The following SLC28A3 variants were observed in gnomAD, a reference collection of about 807,000 sequenced individuals.
SLC28A3 encodes the protein solute carrier family 28 member 3, also known as concentrative Na(+)-nucleoside cotransporter 3.
A neutral mutation model predicts 84.2 loss-of-function variants in SLC28A3; 68 were observed. That is an observed-to-expected ratio of 0.81 (90% CI 0.66 to 0.99). The LOEUF (loss-of-function observed/expected upper bound fraction) is 0.99. Ranked by LOEUF, SLC28A3 falls within the 50% of genes least tolerant of loss-of-function variation. The pLI, the probability that SLC28A3 is intolerant of heterozygous loss-of-function variation, is 0.00. For missense variants in SLC28A3, 712 were observed against 841.5 expected (o/e 0.85, Z 1.90); for synonymous variants, 267 against 303.6 (o/e 0.88, Z 1.25).
rs148272564 is a variant in SLC28A3 at position 84,283,512 on chromosome 9, A to G, written c.1647+1833T>C. On this transcript the variant is annotated intron_variant, in intron 14 of 17. Coordinates refer to ENST00000376238, the MANE Select transcript of SLC28A3 (RefSeq NM_001199633.2). ...GCAAAGGACAAGGTTAAAAACAGTG[A>G]GTATACGTTCCAGGGAGAAGAGGTC... Among the ~76,000 whole-genome samples the G allele has an allele frequency of 6.3e-3, 962 of 152,374 alleles. 11 individuals carry two copies. Among genetic ancestry groups the G allele is most frequent in the African/African-American group, 0.022 (923 of 41,582 alleles).
chr9:84,361,240 G>A, the SLC28A3 span, among the ~76,000 whole-genome samples: 2 of 152,176 alleles, frequency 1.3e-5, no homozygotes, highest in East Asian at 3.9e-4. Flanking sequence ...AGTTACTCGG[G>A]AGGCTGAGGC....
At chr9:84,323,742 C>T (rs1182113021) in intron 1 of SLC28A3, among the ~76,000 whole-genome samples, 2 of 151,886 alleles carry the variant, frequency 1.3e-5, no homozygotes, top group African/African-American at 4.8e-5. Context: ...GCCACTGTGC[C>T]CCACCCCAGT....
intron 8 of SLC28A3, among the ~76,000 whole-genome samples, chr9:84,295,770 C>A (rs866752523): frequency 6.6e-6 from 1 of 152,124 alleles, no homozygotes; most frequent in South Asian, 2.1e-4. Flanking sequence ...TCCTACTGTA[C>A]CCCCTCCCTA....
At position 84,285,281 on chromosome 9, in the gene SLC28A3, A is replaced by G; in HGVS notation, c.1647+64T>C. 3 of 1,487,200 alleles carry G rather than the reference A, an allele frequency of 2.0e-6. 1 individual carries two copies. The highest frequency in any genetic ancestry group is 2.8e-6 in the Non-Finnish European group (3 of 1,083,122). 92.1% of individuals were successfully genotyped at this position (1,487,200 alleles called of 1,614,324 possible). A position where few individuals can be genotyped will look rare whatever the true frequency, so the allele number is the denominator to read the frequency against. On this transcript the variant is annotated intron_variant, in intron 14 of 17. Transcript: ENST00000376238. The stretch of plus-strand genomic sequence containing the variant: ...CATAGTGCTTGACACACAGAGGCAT[A>G]AGTAATAGACGAATGCAGGTATGTG...
At chr9:84,366,293 G>C in the SLC28A3 span, among the ~76,000 whole-genome samples, 6 of 152,024 alleles carry the variant, frequency 3.9e-5, no homozygotes. Context: ...TGACCCTTCT[G>C]TGTTATCTTG....
chr9:84,367,384 T>C, the SLC28A3 span, among the ~76,000 whole-genome samples: 1 of 152,246 alleles, frequency 6.6e-6, no homozygotes, highest in East Asian at 1.9e-4. Flanking sequence ...CTTTGCCCAT[T>C]TGTGGCTGTG....
the SLC28A3 span, among the ~76,000 whole-genome samples, chr9:84,361,190 A>C: frequency 6.6e-6 from 1 of 151,918 alleles, no homozygotes; most frequent in Non-Finnish European, 1.5e-5. Context: ...CTAAAATACA[A>C]AAAAATTAGC....
At chr9:84,364,696 C>G in the SLC28A3 span, among the ~76,000 whole-genome samples, 6,666 of 152,180 alleles carry the variant, frequency 0.044, 207 homozygotes, top group African/African-American at 0.089. Context: ...CTCTGGTCAC[C>G]ATGCTCTACT....
chr9:84,297,866 A>G (rs1483465809), intron 7 of SLC28A3, 40 bp downstream of exon 7: 1 of 1,525,640 alleles, frequency 6.6e-7, no homozygotes, highest in South Asian at 1.2e-5. Flanking sequence ...CAATGTTAAA[A>G]GCACCATAAA....
intron 1 of SLC28A3, among the ~76,000 whole-genome samples, chr9:84,322,754 G>A (rs139223256): frequency 0.023 from 3,456 of 152,112 alleles, 127 homozygotes; most frequent in African/African-American, 0.079. Context: ...CATGAGAATC[G>A]CTTGAGCCCA....
At chr9:84,313,811 C>G (rs1319412486) in intron 1 of SLC28A3, among the ~76,000 whole-genome samples, 4 of 150,280 alleles carry the variant, frequency 2.7e-5, no homozygotes, top group Non-Finnish European at 5.9e-5. Flanking sequence ...TGCTTGAGCC[C>G]CAGAGGCAGA....
In SLC28A3 at chr9:84,279,182, A is replaced by G. The variant is rs908814248; in HGVS notation, c.1949+83T>C. The G allele has an allele frequency of 1.1e-4, 148 of 1,320,800 alleles. No individual in the cohort carries two copies. In the East Asian group the frequency reaches 4.0e-3, roughly 35 times the overall value. 81.8% of individuals were successfully genotyped at this position (1,320,800 alleles called of 1,614,324 possible). Reference sequence around the variant, plus strand: ...AGCAAGACTCCGTCTCAAAAAAAAAAAAAAAAAAGTAAGTGGATATTTAGG... The same window carrying G: ...AGCAAGACTCCGTCTCAAAAAAAAAGAAAAAAAAGTAAGTGGATATTTAGG... On this transcript the variant is annotated intron_variant, in intron 17 of 17. Transcript: ENST00000376238.
intron 8 of SLC28A3, among the ~76,000 whole-genome samples, chr9:84,296,727 T>C (rs558365695): frequency 5.3e-5 from 8 of 151,320 alleles, no homozygotes; most frequent in Non-Finnish European, 1.0e-4. Context: ...GAAGGAGAGA[T>C]GAGAAACGTT....
At chr9:84,292,299 C>A (rs1280772732) in intron 10 of SLC28A3, among the ~76,000 whole-genome samples, 4 of 152,202 alleles carry the variant, frequency 2.6e-5, no homozygotes. Flanking sequence ...ACCTCACAAT[C>A]ACTAAATTCA....
intron 4 of SLC28A3, among the ~76,000 whole-genome samples, chr9:84,303,128 C>T (rs1825686106): frequency 6.6e-6 from 1 of 152,188 alleles, no homozygotes; most frequent in Non-Finnish European, 1.5e-5. Context: ...ACCTTAAAAA[C>T]TGAGTTCCCA....
At chr9:84,325,159 T>C (rs1418771803) in intron 1 of SLC28A3, among the ~76,000 whole-genome samples, 1 of 152,220 alleles carries the variant, frequency 6.6e-6, no homozygotes, top group Non-Finnish European at 1.5e-5. Context: ...CTTTCTTTAC[T>C]ACTCTTTTTA....
At chr9:84,310,601 CAT>C in intron 2 of SLC28A3, 1 of 985,206 alleles carries the variant, frequency 1.0e-6, no homozygotes, top group Non-Finnish European at 1.2e-6. Flanking sequence ...TAACAGAAAT[CAT>C]AGAAATAAAT....
the SLC28A3 span, among the ~76,000 whole-genome samples, chr9:84,359,907 C>T: frequency 6.1e-5 from 9 of 148,732 alleles, no homozygotes; most frequent in South Asian, 1.5e-3. Context: ...AGGCTGAAGC[C>T]GGAGAATTGC....
chr9:84,352,255 C>A, the SLC28A3 span, among the ~76,000 whole-genome samples: 3 of 152,010 alleles, frequency 2.0e-5, no homozygotes, highest in African/African-American at 7.2e-5. Context: ...GTGATCTTGG[C>A]TCACTGTAAC....
Sources: allele counts gnomAD v4.1 joint callset (sites outside exome capture counted in the v4.1 genomes callset), GRCh38; gene constraint gnomAD v4.1.1; transcripts MANE v1.5; gene names NCBI Gene and HGNC (gene_info 2026-07-23, HGNC 2026-07-21).